Variants in PIKFYVE observed in about 807,000 individuals in gnomAD.
PIKFYVE encodes 1-phosphatidylinositol 3-phosphate 5-kinase.
PIKFYVE carries 122 observed loss-of-function variants against 257.9 expected under a neutral mutation model. That is an observed-to-expected ratio of 0.47 (90% CI 0.41 to 0.55). The LOEUF is 0.55. Ranked by LOEUF, PIKFYVE falls within the 20% of genes least tolerant of loss-of-function variation. The pLI, the probability that PIKFYVE is intolerant of heterozygous loss-of-function variation, is 0.00. For synonymous variants in PIKFYVE, 892 were observed against 868.9 expected, an observed-to-expected ratio of 1.03 and a Z score of -0.47; for missense variants, 2,160 against 2,536.6, an observed-to-expected ratio of 0.85 and a Z score of 3.19.
intron 6 of PIKFYVE, among the ~76,000 whole-genome samples, chr2:208,287,665 A>T (rs1691761533): frequency 6.6e-6 from 1 of 151,918 alleles, no homozygotes; most frequent in Admixed American, 6.5e-5. Flanking sequence ...CAGTGGCGTG[A>T]TCTTGACTCA....
intron 17 of PIKFYVE, among the ~76,000 whole-genome samples, chr2:208,321,527 T>G (rs569119448): frequency 2.9e-4 from 44 of 152,012 alleles, no homozygotes; most frequent in Non-Finnish European, 5.1e-4. Context: ...AGTAGAGAAC[T>G]CTAAAGAAAT....
intron 17 of PIKFYVE, 129 bp from the exon 18 acceptor site, chr2:208,324,013 C>T: frequency 2.3e-6 from 2 of 880,470 alleles, no homozygotes; most frequent in Admixed American, 1.9e-5. Flanking sequence ...GATATTAGCC[C>T]TTTGTCAGAT....
At chr2:208,298,598 A>G in intron 7 of PIKFYVE, 43 bp from the exon 8 acceptor site, 1 of 1,609,394 alleles carries the variant, frequency 6.2e-7, no homozygotes, top group Non-Finnish European at 8.5e-7. Flanking sequence ...TTTATTGAAG[A>G]AGAATTTACA....
Position 208,325,652 on chromosome 2 carries a change from G to A in PIKFYVE, c.2841G>A (p.Pro947=), listed in dbSNP as rs367714879. The A allele has an allele frequency of 1.1e-5, 18 of 1,613,950 alleles. No individual in the cohort carries two copies. The highest frequency in any genetic ancestry group is 9.3e-5 in the African/African-American group (7 of 74,910). The change falls in exon 20 of 42, where the codon CCG becomes CCA. Residue 947 remains proline (P), a synonymous_variant. Coordinates refer to ENST00000264380, the MANE Select transcript of PIKFYVE (RefSeq NM_015040.4). The part of the protein sequence containing the change: ...EKGEQENKNL[P]QAVASVKHQE... Reference sequence around the variant, plus strand: ...GTGAGCAGGAAAATAAAAATCTTCCGCAGGCTGTTGCCTCTGTGAAGCATC... The same window carrying A: ...GTGAGCAGGAAAATAAAAATCTTCCACAGGCTGTTGCCTCTGTGAAGCATC...
chr2:208,324,399 G>A lies in PIKFYVE; in HGVS notation c.2331+117G>A, dbSNP rs113519870. The A allele has an allele frequency of 1.3e-5, 14 of 1,105,720 alleles. 1 individual carries two copies. In the African/African-American group the frequency reaches 1.4e-4, roughly 11 times the overall value. 68.5% of individuals were successfully genotyped at this position (1,105,720 alleles called of 1,614,324 possible). The stretch of plus-strand genomic sequence containing the variant: ...CTTTGCTGTTCTATTTGTATTGAAA[G>A]TGGGACAGAAGATATGGCACCTATT... On this transcript the variant is annotated intron_variant, in intron 18 of 41. Transcript: ENST00000264380.
Position 208,328,222 on chromosome 2 carries a change from C to T in PIKFYVE, c.3661C>T (p.Leu1221Phe). The T allele has an allele frequency of 6.2e-7, 1 of 1,613,884 alleles. No homozygotes were observed. The highest frequency in any genetic ancestry group is 8.5e-7 in the Non-Finnish European group (1 of 1,179,868). ...NPINHQRLCV[L>F]FSSSSAQSSN... ...CATTAATCACCAGAGACTTTGTGTG[C>T]TCTTCAGCAGCTCTTCTGCCCAGTC... is the stretch of plus-strand genomic sequence containing the variant. The change falls in exon 21 of 42, where the codon CTC becomes TTC. Residue 1221 changes from leucine to phenylalanine, a missense_variant. Physicochemically the swap from Leu to Phe is conservative, Grantham distance 22. Transcript: ENST00000264380.
At position 208,298,752 on chromosome 2, in the gene PIKFYVE, C is replaced by A. The variant is rs1182978759; in HGVS notation, c.1023C>A (p.Thr341=). Residue 341 remains threonine (T), a synonymous_variant, in exon 8 of 42, where the codon ACC becomes ACA. Transcript: ENST00000264380. ...ACCGAACATATGTTAGGACAGAGAC[C>A]ACTGAGGATGAACGCAAAATTCTTC... ...QANRTYVRTE[T]TEDERKILLD... The A allele has an allele frequency of 6.2e-7, 1 of 1,614,128 alleles. No individual in the cohort carries two copies. Among genetic ancestry groups the A allele is most frequent in the Non-Finnish European group, 8.5e-7 (1 of 1,179,994 alleles).
At chr2:208,318,843 C>T (rs963191950) in intron 16 of PIKFYVE, among the ~76,000 whole-genome samples, 8 of 148,896 alleles carry the variant, frequency 5.4e-5, no homozygotes, top group Admixed American at 4.1e-4. Flanking sequence ...CTCAGCTACT[C>T]GGGAGGCTGA....
In PIKFYVE at chr2:208,320,424, T is replaced by G. The variant is rs41304171; in HGVS notation, c.2190+65T>G. ...TTTGTGTACCATGATGCTTATAAAC[T>G]CTTAATGATTTTGACTTAATTCTAG... On this transcript the variant is annotated intron_variant, in intron 17 of 41. Coordinates refer to ENST00000264380, the MANE Select transcript of PIKFYVE (RefSeq NM_015040.4). The G allele has an allele frequency of 2.7e-3, 4,228 of 1,580,466 alleles. 10 individuals are homozygous for G. The highest frequency in any genetic ancestry group is 3.3e-3 in the Non-Finnish European group (3,834 of 1,156,018).
intron 33 of PIKFYVE, 54 bp downstream of exon 33, chr2:208,345,248 A>G: frequency 7.1e-7 from 1 of 1,409,092 alleles, no homozygotes; most frequent in African/African-American, 1.4e-5. Context: ...ATCATTTTCT[A>G]TATGCTTGTA....
chr2:208,342,424 A>G (rs1303521785), intron 31 of PIKFYVE, 130 bp from the exon 32 acceptor site: 2 of 702,742 alleles, frequency 2.8e-6, no homozygotes, highest in Non-Finnish European at 4.8e-6. Flanking sequence ...TGCCTTCAAA[A>G]ACTTTCTCTT....
chr2:208,317,334 C>A (rs1181350026), intron 15 of PIKFYVE, among the ~76,000 whole-genome samples: 1 of 152,040 alleles, frequency 6.6e-6, no homozygotes, highest in Non-Finnish European at 1.5e-5. Flanking sequence ...TGAACAGACA[C>A]TTCTCAAAAG....
chr2:208,355,408 T>A lies in PIKFYVE; in HGVS notation c.*103T>A. The A allele has an allele frequency of 1.1e-6, 1 of 881,854 alleles. No individual in the cohort carries two copies. The highest frequency in any genetic ancestry group is 1.8e-6 in the Non-Finnish European group (1 of 547,180). 54.6% of individuals were successfully genotyped at this position (881,854 alleles called of 1,614,324 possible). A position where few individuals can be genotyped will look rare whatever the true frequency, so the allele number is the denominator to read the frequency against. ...TATTTCTTCATCGTGTTCACCACTG[T>A]ATGCCAAGGCTTTTCAGTTCTGTGG... is the stretch of plus-strand genomic sequence containing the variant. On this transcript the variant is annotated 3_prime_UTR_variant, in exon 42 of 42. Transcript: ENST00000264380.
rs752555562 is a variant in PIKFYVE, at chr2:208,325,018, G to T, written c.2439G>T (p.Gln813His). 2 of 1,614,116 alleles carry T rather than the reference G, an allele frequency of 1.2e-6. No individual in the cohort carries two copies. Among genetic ancestry groups the T allele is most frequent in the Non-Finnish European group, 1.7e-6 (2 of 1,179,976 alleles). Residue 813 changes from glutamine (Q) to histidine (H), a missense_variant, in exon 19 of 42, where the codon CAG becomes CAT. Transcript: ENST00000264380. ...GCACTTGTCACAAATTTTATATGCA[G>T]ATATTTCAGTTGCCTAATGGTGAGT... is the stretch of plus-strand genomic sequence containing the variant. The part of the protein sequence containing the change: ...HLGTCHKFYM[Q>H]IFQLPNEQTK...
chr2:208,346,911 C>T (rs888452555), intron 34 of PIKFYVE, among the ~76,000 whole-genome samples: 3 of 152,178 alleles, frequency 2.0e-5, no homozygotes, highest in Non-Finnish European at 4.4e-5. Context: ...TGCAAGCTGC[C>T]GCTGTTCTCT....
At chr2:208,340,204 T>G in intron 31 of PIKFYVE, 73 bp downstream of exon 31, 2 of 1,540,072 alleles carry the variant, frequency 1.3e-6, no homozygotes, top group Non-Finnish European at 1.8e-6. Flanking sequence ...CATATTTAAA[T>G]ATATTTATCT....
chr2:208,282,935 TCAC>T (rs1471501220), intron 5 of PIKFYVE, among the ~76,000 whole-genome samples: 1 of 152,100 alleles, frequency 6.6e-6, no homozygotes, highest in Non-Finnish European at 1.5e-5. Context: ...CATGCGCAGT[TCAC>T]CATAGGGTTC....
At chr2:208,291,468 G>A (rs1049772198) in intron 7 of PIKFYVE, among the ~76,000 whole-genome samples, 1 of 151,992 alleles carries the variant, frequency 6.6e-6, no homozygotes, top group Non-Finnish European at 1.5e-5. Flanking sequence ...TTTGGTATTA[G>A]GGAAATCCTG....
At chr2:208,333,912 G>A (rs1482600579) in intron 24 of PIKFYVE, among the ~76,000 whole-genome samples, 1 of 152,144 alleles carries the variant, frequency 6.6e-6, no homozygotes, top group Non-Finnish European at 1.5e-5. Flanking sequence ...CAAAGTGTGG[G>A]GATTAGAAGT....
Sources: allele counts gnomAD v4.1 joint callset (sites outside exome capture counted in the v4.1 genomes callset), GRCh38; gene constraint gnomAD v4.1.1; transcripts MANE v1.5; gene names NCBI Gene and HGNC (gene_info 2026-07-23, HGNC 2026-07-21).